ZNF407: variants seen among roughly 807,000 people sequenced by gnomAD.
ZNF407 encodes zinc finger protein 407.
ZNF407 carries 17 observed loss-of-function variants against 131.2 expected under a neutral mutation model. That is an observed-to-expected ratio of 0.13 (90% CI 0.09 to 0.19). The LOEUF (loss-of-function observed/expected upper bound fraction) is 0.19. Ranked by LOEUF, ZNF407 falls within the 10% of genes least tolerant of loss-of-function variation. ZNF407 has a pLI of 1.00. For missense variants in ZNF407, 2,681 were observed against 2,830.6 expected (o/e 0.95, Z 1.20); for synonymous variants, 1,156 against 1,062.0 (o/e 1.09, Z -1.72).
chr18:74,682,009 A>G (rs1286981267), intron 3 of ZNF407, among the ~76,000 whole-genome samples: 2 of 152,186 alleles, frequency 1.3e-5, no homozygotes, highest in Admixed American at 6.5e-5. Flanking sequence ...TGGACCTGCT[A>G]TATTGCCACA....
intron 8 of ZNF407, among the ~76,000 whole-genome samples, chr18:75,044,227 TAGCAGCACTTGG>T (rs1450033730): frequency 6.6e-6 from 1 of 152,034 alleles, no homozygotes; most frequent in Non-Finnish European, 1.5e-5. Context: ...TAGGAATATA[TAGCAGCACTTGG>T]GGGAAAGTCT....
intron 8 of ZNF407, among the ~76,000 whole-genome samples, chr18:74,926,013 A>G (rs949202249): frequency 2.0e-5 from 3 of 152,250 alleles, no homozygotes; most frequent in African/African-American, 7.2e-5. Context: ...ACCACTAACA[A>G]AAGACTTCCT....
At chr18:74,733,928 G>T (rs1396926445) in intron 3 of ZNF407, among the ~76,000 whole-genome samples, 1 of 152,136 alleles carries the variant, frequency 6.6e-6, no homozygotes, top group East Asian at 1.9e-4. Flanking sequence ...TCGTTGCTCA[G>T]TCCCTGGCAT....
At chr18:74,753,081 G>A (rs189433025) in intron 3 of ZNF407, among the ~76,000 whole-genome samples, 5 of 152,234 alleles carry the variant, frequency 3.3e-5, no homozygotes, top group Admixed American at 1.3e-4. Context: ...TCCTTGAAGA[G>A]GTCCTTCACA....
intron 1 of ZNF407, among the ~76,000 whole-genome samples, chr18:74,609,767 A>G (rs1982974901): frequency 1.3e-5 from 2 of 152,372 alleles, no homozygotes; most frequent in South Asian, 2.1e-4. Context: ...CTCCGTTGTA[A>G]TGATAGGGAA....
intron 3 of ZNF407, among the ~76,000 whole-genome samples, chr18:74,648,752 A>G (rs1196759204): frequency 3.3e-5 from 5 of 152,228 alleles, no homozygotes; most frequent in South Asian, 4.1e-4. Context: ...CGTGCTACCT[A>G]TGTCCACATG....
At chr18:75,049,556 G>A (rs567342816) in intron 8 of ZNF407, among the ~76,000 whole-genome samples, 9 of 152,260 alleles carry the variant, frequency 5.9e-5, no homozygotes, top group East Asian at 3.9e-4. Flanking sequence ...AAAAGTGGTC[G>A]TTCAGGTTTT....
At chr18:74,731,912 G>A (rs1473874663) in intron 3 of ZNF407, among the ~76,000 whole-genome samples, 1 of 151,964 alleles carries the variant, frequency 6.6e-6, no homozygotes, top group African/African-American at 2.4e-5. Context: ...CACCGTGGTA[G>A]TATAGATCAT....
rs532558323 is a variant in ZNF407 at position 74,844,031 on chromosome 18, A to G, written c.4878-33166A>G. 4.6e-5 allele frequency among the ~76,000 whole-genome samples: 7 copies of G among 152,304 alleles called. No homozygotes were observed. The East Asian group carries it at 1.3e-3, about 29-fold the overall frequency. ...AAGTGTTGAATTTCAGGAAAAATTG[A>G]TGTAAAACAATTAGGCTGTAAATAC... On this transcript the variant is annotated intron_variant, in intron 4 of 8. Transcript: ENST00000299687.
chr18:74,773,503 T>C (rs186886854), intron 3 of ZNF407, among the ~76,000 whole-genome samples: 62 of 148,138 alleles, frequency 4.2e-4, no homozygotes, highest in Middle Eastern at 6.8e-3. Flanking sequence ...GAGGAAGTGA[T>C]CAAAAGTGGT....
At chr18:74,812,956 G>A (rs967470034) in intron 4 of ZNF407, among the ~76,000 whole-genome samples, 7 of 151,810 alleles carry the variant, frequency 4.6e-5, no homozygotes, top group Non-Finnish European at 8.8e-5. Flanking sequence ...TTTTTGTTGC[G>A]GTGCTCCATT....
chr18:74,885,341 T>C (rs1203181825), intron 6 of ZNF407, among the ~76,000 whole-genome samples: 1 of 152,196 alleles, frequency 6.6e-6, no homozygotes, highest in East Asian at 1.9e-4. Context: ...AGAACACTGC[T>C]GAGAGAAATT....
At position 74,632,452 on chromosome 18, in the gene ZNF407, A is replaced by G. The variant is rs748219662; in HGVS notation, c.1433A>G (p.Lys478Arg). 1.9e-6 allele frequency: 3 copies of G among 1,614,038 alleles called. No individual in the cohort carries two copies. In the South Asian group the frequency reaches 3.3e-5, roughly 18 times the overall value. The change falls in exon 2 of 9, where the codon AAA (lysine) becomes AGA (arginine). Residue 478 changes from lysine to arginine, a missense_variant. Lys to Arg is a conservative substitution (Grantham distance 26). Coordinates refer to ENST00000299687, the MANE Select transcript of ZNF407 (RefSeq NM_017757.3). ...ACACACGATGCAGAATCAGTGCTGA[A>G]ACACCTGGAAGCGTGCAGCAGTGTG... ...MKTHDAESVL[K>R]HLEACSSVQR...
At chr18:74,880,598 C>A (rs1199917571) in intron 5 of ZNF407, among the ~76,000 whole-genome samples, 2 of 152,100 alleles carry the variant, frequency 1.3e-5, no homozygotes, top group Non-Finnish European at 1.5e-5. Flanking sequence ...AATTCAATAT[C>A]CTTAAGTTGC....
chr18:75,026,865 C>A (rs1973177065), intron 8 of ZNF407, among the ~76,000 whole-genome samples: 3 of 152,220 alleles, frequency 2.0e-5, no homozygotes, highest in Admixed American at 2.0e-4. Context: ...AGTGGTTCAT[C>A]CATTAACTCA....
chr18:74,872,141 C>T (rs920475932), intron 4 of ZNF407, among the ~76,000 whole-genome samples: 17 of 151,874 alleles, frequency 1.1e-4, no homozygotes, highest in African/African-American at 3.4e-4. Flanking sequence ...ACTGTGCTGC[C>T]GTCAGCCCCG....
chr18:74,895,193 AC>A, intron 7 of ZNF407, among the ~76,000 whole-genome samples: 1 of 150,958 alleles, frequency 6.6e-6, no homozygotes, highest in Non-Finnish European at 1.5e-5. Flanking sequence ...TCTACAAAGT[AC>A]TTTTTCATCT....
chr18:74,819,016 C>G (rs1970305203), intron 4 of ZNF407, among the ~76,000 whole-genome samples: 1 of 152,160 alleles, frequency 6.6e-6, no homozygotes, highest in South Asian at 2.1e-4. Flanking sequence ...TTGTTTGTGA[C>G]ATGTCTTTTA....
At position 74,634,656 on chromosome 18, in the gene ZNF407, G is replaced by A. The variant is rs777808991; in HGVS notation, c.3637G>A (p.Ala1213Thr). The A allele has an allele frequency of 1.2e-6, 2 of 1,613,994 alleles. No homozygotes were observed. The highest frequency in any genetic ancestry group is 3.3e-5 in the Admixed American group (2 of 60,030). ...AAGCTCTGCCTTAAATTGTGAGACA[G>A]CAAAGAAAAACCATGAGATATCGAA... ...SGSSALNCET[A>T]KKNHEISNDA... Residue 1213 changes from alanine (A) to threonine (T), a missense_variant, in exon 2 of 9, where the codon GCA (alanine) becomes ACA (threonine). By Grantham distance (58) the Ala-to-Thr change is moderately conservative. Transcript: ENST00000299687.
Sources: allele counts gnomAD v4.1 joint callset (sites outside exome capture counted in the v4.1 genomes callset), GRCh38; gene constraint gnomAD v4.1.1; transcripts MANE v1.5; gene names NCBI Gene and HGNC (gene_info 2026-07-23, HGNC 2026-07-21).